The following WIPI1 variants were observed in gnomAD, a reference collection of about 807,000 sequenced individuals.
WIPI1 encodes the protein WD repeat domain, phosphoinositide interacting 1, also known as WD repeat domain phosphoinositide-interacting protein 1.
WIPI1 carries 45 observed loss-of-function variants against 55.3 expected under a neutral mutation model. The ratio of observed to expected loss-of-function variants is 0.81; its 90% confidence interval spans 0.64 to 1.04. The LOEUF (loss-of-function observed/expected upper bound fraction) is 1.04, where lower values mean the gene tolerates loss of function less well. Among genes scored for constraint, WIPI1 ranks in the 50% least tolerant of loss-of-function variants. The pLI, the probability that WIPI1 is intolerant of heterozygous loss-of-function variation, is 0.00. For missense variants in WIPI1, 445 were observed against 559.0 expected, an observed-to-expected ratio of 0.80 and a Z score of 2.06; for synonymous variants, 195 against 217.6, an observed-to-expected ratio of 0.90 and a Z score of 0.92.
chr17:68,437,973 A>AAAAAAAAAAAAAAAT (rs2083899370), intron 4 of WIPI1, among the ~76,000 whole-genome samples: 1 of 139,848 alleles, frequency 7.2e-6, no homozygotes, highest in African/African-American at 2.6e-5. Flanking sequence ...AAAAAAAAAA[A>AAAAAAAAAAAAAAAT]GTGACTGGCG....
At chr17:68,437,056 C>A (rs993962893) in intron 4 of WIPI1, among the ~76,000 whole-genome samples, 8 of 119,202 alleles carry the variant, frequency 6.7e-5, no homozygotes, top group African/African-American at 3.1e-4. Flanking sequence ...CTCATTTTTA[C>A]ATTTTACCCC....
rs2083443632 is a variant in WIPI1, at chr17:68,430,111, T to C, written c.850A>G (p.Met284Val). The change falls in exon 9 of 13, where the codon ATG becomes GTG. Residue 284 changes from methionine (M) to valine (V), a missense_variant. Physicochemically the swap from Met to Val is conservative, Grantham distance 21 (BLOSUM62 1). Coordinates refer to ENST00000262139, the MANE Select transcript of WIPI1 (RefSeq NM_017983.7). ...TWSGYMGKMF[M>V]AATNYLPTQV... ...GTAGGGAGGTAGTTGGTAGCAGCCATAAACATCTTTCCCATGTAGCCACTC... is the reference window on the plus strand; with the variant it reads ...GTAGGGAGGTAGTTGGTAGCAGCCACAAACATCTTTCCCATGTAGCCACTC... 1.9e-6 allele frequency: 3 copies of C among 1,613,974 alleles called. No individual in the cohort carries two copies. The highest frequency in any genetic ancestry group is 2.7e-5 in the African/African-American group (2 of 74,888).
At chr17:68,425,853 G>A (rs2083133608) in intron 12 of WIPI1, 1 of 475,830 alleles carries the variant, frequency 2.1e-6, no homozygotes, top group Non-Finnish European at 3.7e-6. Flanking sequence ...AGTATTCGGT[G>A]ACTCTAATGC....
intron 4 of WIPI1, among the ~76,000 whole-genome samples, chr17:68,443,945 C>T (rs2084181609): frequency 6.6e-6 from 1 of 152,214 alleles, no homozygotes; most frequent in South Asian, 2.1e-4. Context: ...AACCATTCCT[C>T]TTCTTATACA....
chr17:68,424,255 C>T (rs1015574533), intron 12 of WIPI1, among the ~76,000 whole-genome samples: 1 of 152,138 alleles, frequency 6.6e-6, no homozygotes, highest in African/African-American at 2.4e-5. Context: ...TGACAACCTG[C>T]CTATTGAAAG....
At chr17:68,450,927 T>C (rs368157640) in intron 2 of WIPI1, 30 bp from the exon 3 acceptor site, 37 of 1,599,006 alleles carry the variant, frequency 2.3e-5, no homozygotes, top group Non-Finnish European at 2.9e-5. Context: ...GGAGGTTACA[T>C]GGATTGATCA....
intron 3 of WIPI1, 152 bp from the exon 4 acceptor site, chr17:68,444,741 G>A (rs2084212613): frequency 1.7e-6 from 1 of 585,130 alleles, no homozygotes; most frequent in African/African-American, 1.9e-5. Context: ...GTTTATGGAT[G>A]TACACACATA....
In WIPI1 at chr17:68,457,445, C is replaced by CTT. The variant is rs1386643100; in HGVS notation, c.-25_-24insAA. ...ATCGGGGGCTCGGCCCGGGAAGCCG[C>CTT]AGCTCGGAGCCGGCGACAGCCACCT... On this transcript the variant is annotated 5_prime_UTR_variant, in exon 1 of 13. Coordinates refer to ENST00000262139, the MANE Select transcript of WIPI1 (RefSeq NM_017983.7). 4 of 1,386,748 alleles carry CTT rather than the reference C, an allele frequency of 2.9e-6. No individual in the cohort carries two copies. The South Asian group carries it at 6.1e-5, about 21-fold the overall frequency. 85.9% of individuals were successfully genotyped at this position (1,386,748 alleles called of 1,614,324 possible). A position where few individuals can be genotyped will look rare whatever the true frequency, so the allele number is the denominator to read the frequency against.
At chr17:68,438,454 G>A (rs1351978668) in intron 4 of WIPI1, among the ~76,000 whole-genome samples, 1 of 152,210 alleles carries the variant, frequency 6.6e-6, no homozygotes, top group Non-Finnish European at 1.5e-5. Context: ...CAGGAGATCT[G>A]GTTGTCTTGT....
At chr17:68,450,650 G>T in intron 3 of WIPI1, 78 bp downstream of exon 3, 1 of 1,503,354 alleles carries the variant, frequency 6.7e-7, no homozygotes, top group South Asian at 1.3e-5. Context: ...TACAGACATT[G>T]ATCTTGAAAG....
At chr17:68,450,481 G>A (rs547238809) in intron 3 of WIPI1, among the ~76,000 whole-genome samples, 1 of 152,304 alleles carries the variant, frequency 6.6e-6, no homozygotes, top group East Asian at 1.9e-4. Context: ...CTAGGGAGAG[G>A]GTGCAGCCTA....
chr17:68,429,743 C>T (rs1029421478), intron 9 of WIPI1, among the ~76,000 whole-genome samples: 12 of 152,286 alleles, frequency 7.9e-5, no homozygotes, highest in South Asian at 2.1e-4. Context: ...CACGCACCAC[C>T]ATACCCGGCT....
chr17:68,452,044 G>T (rs2084519943), intron 2 of WIPI1, among the ~76,000 whole-genome samples: 1 of 152,036 alleles, frequency 6.6e-6, no homozygotes, highest in Non-Finnish European at 1.5e-5. Flanking sequence ...TTTTTTCCAG[G>T]AAACTGAAAG....
At chr17:68,445,499 G>A (rs1255503169) in intron 3 of WIPI1, among the ~76,000 whole-genome samples, 1 of 149,358 alleles carries the variant, frequency 6.7e-6, no homozygotes, top group Non-Finnish European at 1.5e-5. Context: ...AAAAGGAGAA[G>A]GGCTTCGGCC....
At chr17:68,433,921 T>G (rs887219968) in intron 7 of WIPI1, among the ~76,000 whole-genome samples, 9 of 152,080 alleles carry the variant, frequency 5.9e-5, no homozygotes, top group African/African-American at 2.2e-4. Context: ...TAGCTGGGAT[T>G]ACAGGCACAC....
At chr17:68,426,971 T>A (rs2083234790) in intron 11 of WIPI1, among the ~76,000 whole-genome samples, 164 bp downstream of exon 11, 1 of 151,674 alleles carries the variant, frequency 6.6e-6, no homozygotes, top group Admixed American at 6.6e-5. Flanking sequence ...AAATAAAAAA[T>A]TCAAGGAGAG....
chr17:68,429,506 T>C (rs1436917100), intron 9 of WIPI1, among the ~76,000 whole-genome samples: 1 of 152,228 alleles, frequency 6.6e-6, no homozygotes, highest in Non-Finnish European at 1.5e-5. Flanking sequence ...CCATGCCAAC[T>C]TCTGGCTGCC....
chr17:68,452,858 G>T (rs944342155), intron 2 of WIPI1, 52 bp downstream of exon 2: 1 of 1,540,402 alleles, frequency 6.5e-7, no homozygotes, highest in African/African-American at 1.4e-5. Flanking sequence ...AAGCCTAGAA[G>T]GAGGCTCTGG....
At chr17:68,436,214 C>G (rs2287302) in intron 5 of WIPI1, among the ~76,000 whole-genome samples, 168 bp downstream of exon 5, 42,572 of 152,130 alleles carry the variant, frequency 0.28, 6,310 homozygotes, top group Admixed American at 0.41. Flanking sequence ...GAGGTTGACT[C>G]ACAGCAAGCC....
Sources: allele counts gnomAD v4.1 joint callset (sites outside exome capture counted in the v4.1 genomes callset), GRCh38; gene constraint gnomAD v4.1.1; transcripts MANE v1.5; gene names NCBI Gene and HGNC (gene_info 2026-07-23, HGNC 2026-07-21).